The following TUSC3 variants were observed in gnomAD, a reference collection of about 807,000 sequenced individuals.
The protein encoded by TUSC3 is tumor suppressor candidate 3.
In TUSC3, 45 loss-of-function variants were observed where a neutral mutation model predicts 44.8. The ratio of observed to expected loss-of-function variants is 1.00; its 90% CI spans 0.79 to 1.29. The LOEUF (loss-of-function observed/expected upper bound fraction) is 1.29, where lower values mean the gene tolerates loss of function less well. Among genes scored for constraint, TUSC3 ranks in the 50% most tolerant of loss-of-function variants. TUSC3 has a pLI of 0.00. For missense variants in TUSC3, 519 were observed against 437.9 expected, an observed-to-expected ratio of 1.19 and a Z score of -1.65; for synonymous variants, 212 against 152.9, an observed-to-expected ratio of 1.39 and a Z score of -2.85.
At chr8:15,532,295 A>C (rs1220940446) in intron 2 of TUSC3, among the ~76,000 whole-genome samples, 1 of 152,218 alleles carries the variant, frequency 6.6e-6, no homozygotes, top group Non-Finnish European at 1.5e-5. Flanking sequence ...AATAACTAGC[A>C]TAAACATTCA....
intron 6 of TUSC3, among the ~76,000 whole-genome samples, chr8:15,718,108 T>C (rs1810134628): frequency 6.6e-6 from 1 of 152,108 alleles, no homozygotes; most frequent in Non-Finnish European, 1.5e-5. Context: ...CTCTAAACAA[T>C]TTTAAGTTTT....
At chr8:15,658,665 CAATATATAT>C (rs1229797835) in intron 3 of TUSC3, among the ~76,000 whole-genome samples, 87 of 143,670 alleles carry the variant, frequency 6.1e-4, no homozygotes, top group Non-Finnish European at 1.1e-3. Context: ...CACACAAATA[CAATATATAT>C]ACACATACAA....
At chr8:15,736,534 C>T (rs1810945587) in intron 7 of TUSC3, among the ~76,000 whole-genome samples, 2 of 151,964 alleles carry the variant, frequency 1.3e-5, no homozygotes, top group Non-Finnish European at 2.9e-5. Context: ...AATTCAAAAC[C>T]TCATGTATGA....
the TUSC3 span, among the ~76,000 whole-genome samples, chr8:15,775,337 G>C: frequency 1.3e-5 from 2 of 151,908 alleles, no homozygotes; most frequent in Non-Finnish European, 2.9e-5. Context: ...TTAGTGGCTT[G>C]AGGGTTATTT....
chr8:15,828,999 G>T, the TUSC3 span, among the ~76,000 whole-genome samples: 1 of 152,138 alleles, frequency 6.6e-6, no homozygotes, highest in African/African-American at 2.4e-5. Flanking sequence ...TCCAATTCTA[G>T]CAGAGTTCCT....
At chr8:15,617,939 C>T (rs1805065657) in intron 1 of TUSC3, among the ~76,000 whole-genome samples, 1 of 152,124 alleles carries the variant, frequency 6.6e-6, no homozygotes, top group African/African-American at 2.4e-5. Context: ...TGTGGTATAG[C>T]TCCTAGGGTA....
chr8:15,805,083 G>A, the TUSC3 span, among the ~76,000 whole-genome samples: 1 of 151,926 alleles, frequency 6.6e-6, no homozygotes, highest in Non-Finnish European at 1.5e-5. Flanking sequence ...TTATTTTTGT[G>A]TGTGTGGCAA....
chr8:15,695,287 A>T (rs1809111739), intron 6 of TUSC3, among the ~76,000 whole-genome samples: 1 of 152,140 alleles, frequency 6.6e-6, no homozygotes, highest in African/African-American at 2.4e-5. Flanking sequence ...TATCATGCTT[A>T]TTCTCATGAT....
At chr8:15,565,539 A>G (rs1237046493) in intron 1 of TUSC3, among the ~76,000 whole-genome samples, 2 of 151,938 alleles carry the variant, frequency 1.3e-5, no homozygotes, top group Non-Finnish European at 2.9e-5. Flanking sequence ...ACATTCATAC[A>G]CTCCAGGTGT....
chr8:15,432,958 C>T (rs10283334), intron 1 of TUSC3, among the ~76,000 whole-genome samples: 1 of 151,982 alleles, frequency 6.6e-6, no homozygotes. Flanking sequence ...GAATGCTTTG[C>T]TATATTTCAA....
chr8:15,776,995 G>C, the TUSC3 span, among the ~76,000 whole-genome samples: 1 of 152,010 alleles, frequency 6.6e-6, no homozygotes, highest in Non-Finnish European at 1.5e-5. Context: ...CAGTAGTGGT[G>C]CCGTATCTCA....
chr8:15,744,123 A>G (rs917303382), intron 8 of TUSC3, among the ~76,000 whole-genome samples: 1 of 152,198 alleles, frequency 6.6e-6, no homozygotes, highest in Non-Finnish European at 1.5e-5. Context: ...TATTGATACT[A>G]TCTTTTCCAG....
chr8:15,843,621 T>TATATATACAC, the TUSC3 span, among the ~76,000 whole-genome samples: 350 of 146,752 alleles, frequency 2.4e-3, 4 homozygotes, highest in African/African-American at 8.7e-3. Context: ...TATATATATA[T>TATATATACAC]ACACGCACAT....
At chr8:15,731,185 A>G (rs1810707620) in intron 7 of TUSC3, among the ~76,000 whole-genome samples, 1 of 152,170 alleles carries the variant, frequency 6.6e-6, no homozygotes, top group African/African-American at 2.4e-5. Flanking sequence ...AGAGTGAGTC[A>G]GACTAAGTGT....
the TUSC3 span, among the ~76,000 whole-genome samples, chr8:15,807,932 G>A: frequency 6.6e-6 from 1 of 152,114 alleles, no homozygotes; most frequent in Non-Finnish European, 1.5e-5. Flanking sequence ...ATATCTGGGG[G>A]ACAGAGCATT....
chr8:15,598,406 A>G (rs76840307), intron 1 of TUSC3, among the ~76,000 whole-genome samples: 1 of 151,948 alleles, frequency 6.6e-6, no homozygotes. Context: ...CTCCATCATT[A>G]TCAGTATTCC....
chr8:15,587,948 C>T (rs541544521), intron 1 of TUSC3, among the ~76,000 whole-genome samples: 3 of 152,132 alleles, frequency 2.0e-5, no homozygotes, highest in South Asian at 4.1e-4. Context: ...GCTACATTTT[C>T]TTTATCCGTT....
chr8:15,444,082 T>C (rs1246048679), intron 1 of TUSC3, among the ~76,000 whole-genome samples: 2 of 152,244 alleles, frequency 1.3e-5, no homozygotes, highest in Non-Finnish European at 2.9e-5. Flanking sequence ...ACTCCTTCTC[T>C]ATTGCGATTC....
the TUSC3 span, among the ~76,000 whole-genome samples, chr8:15,820,661 T>C: frequency 1.3e-4 from 20 of 152,298 alleles, no homozygotes; most frequent in African/African-American, 4.8e-4. Flanking sequence ...ATTTCGGTAT[T>C]GGCATTATGC....
Sources: gnomAD v4.1 joint callset for allele counts (sites outside exome capture counted in the v4.1 genomes callset) on GRCh38, gnomAD v4.1.1 for gene constraint, MANE v1.5 for transcripts, NCBI Gene and HGNC (gene_info 2026-07-23, HGNC 2026-07-21) for gene names.